The following SLC25A37 variants were observed in gnomAD, a reference collection of about 807,000 sequenced individuals.
SLC25A37 encodes the protein mitoferrin-1.
Under a neutral mutation model 31.0 loss-of-function variants are expected in SLC25A37, and 17 were observed. The observed-to-expected ratio is 0.55, with a 90% CI of 0.38 to 0.82. The LOEUF (loss-of-function observed/expected upper bound fraction) is 0.82. Among genes scored for constraint, SLC25A37 ranks in the 40% least tolerant of loss-of-function variants. The pLI, the probability that SLC25A37 is intolerant of heterozygous loss-of-function variation, is 0.00. For missense variants in SLC25A37, 404 were observed against 465.8 expected, an observed-to-expected ratio of 0.87 and a Z score of 1.22; for synonymous variants, 222 against 193.0, an observed-to-expected ratio of 1.15 and a Z score of -1.24.
chr8:23,544,018 G>A (rs905045425), intron 1 of SLC25A37, among the ~76,000 whole-genome samples: 7 of 151,778 alleles, frequency 4.6e-5, no homozygotes, highest in South Asian at 4.2e-4. Context: ...GTGCCACCAC[G>A]CCCGGCTAAT....
chr8:23,532,351 A>C (rs952064800), intron 1 of SLC25A37, among the ~76,000 whole-genome samples: 2 of 152,168 alleles, frequency 1.3e-5, no homozygotes, highest in Non-Finnish European at 2.9e-5. Context: ...AATGGTGGCA[A>C]TGACTTACTC....
chr8:23,567,847 T>A (rs1173684908), intron 2 of SLC25A37: 1 of 151,712 alleles, frequency 6.6e-6, no homozygotes. Context: ...TTTTTTTTTT[T>A]TTTTTTTTTA....
chr8:23,542,051 C>G (rs533327157), intron 1 of SLC25A37, among the ~76,000 whole-genome samples: 1 of 152,326 alleles, frequency 6.6e-6, no homozygotes, highest in African/African-American at 2.4e-5. Context: ...GTAGCTTCAT[C>G]CCCTGCCCTT....
chr8:23,550,519 G>A (rs73671467), intron 1 of SLC25A37, among the ~76,000 whole-genome samples: 14,656 of 152,300 alleles, frequency 0.096, 1,691 homozygotes, highest in African/African-American at 0.28. Context: ...CCTCCGCCAA[G>A]GGCGTGGGAA....
intron 1 of SLC25A37, among the ~76,000 whole-genome samples, chr8:23,565,805 G>A (rs1403647440): frequency 6.6e-6 from 1 of 152,198 alleles, no homozygotes; most frequent in African/African-American, 2.4e-5. Flanking sequence ...GAAGGTCTTA[G>A]GGCCTAGGGA....
intron 1 of SLC25A37, among the ~76,000 whole-genome samples, chr8:23,540,166 T>C (rs1261964838): frequency 6.6e-6 from 1 of 152,266 alleles, no homozygotes; most frequent in Admixed American, 6.5e-5. Flanking sequence ...CAGGTGTTGT[T>C]TCTCATTTCA....
At chr8:23,568,165 C>T (rs1802717769) in intron 2 of SLC25A37, 157 bp from the exon 3 acceptor site, 5 of 766,940 alleles carry the variant, frequency 6.5e-6, no homozygotes, top group Non-Finnish European at 1.2e-5. Flanking sequence ...TCCACCATCA[C>T]TTCAGGGTTT....
intron 2 of SLC25A37, chr8:23,566,887 C>A: frequency 1.1e-6 from 1 of 930,738 alleles, no homozygotes; most frequent in Non-Finnish European, 1.3e-6. Flanking sequence ...TTCCGGGGAT[C>A]TGGGAATTTT....
chr8:23,565,934 T>A (rs952756386), intron 1 of SLC25A37, among the ~76,000 whole-genome samples, 174 bp from the exon 2 acceptor site: 1 of 152,240 alleles, frequency 6.6e-6, no homozygotes, highest in African/African-American at 2.4e-5. Context: ...TTCATGTAGA[T>A]TTCATTATGT....
intron 3 of SLC25A37, among the ~76,000 whole-genome samples, chr8:23,570,177 C>T (rs1462216641): frequency 2.6e-5 from 4 of 152,110 alleles, no homozygotes; most frequent in African/African-American, 4.8e-5. Flanking sequence ...ATTTCTTTAT[C>T]GTGTGCCGCA....
chr8:23,562,656 C>A (rs1411460044), intron 1 of SLC25A37, among the ~76,000 whole-genome samples: 1 of 152,150 alleles, frequency 6.6e-6, no homozygotes, highest in Non-Finnish European at 1.5e-5. Context: ...GTCATGTAGC[C>A]CCTCGACAGG....
chr8:23,568,300 T>G (rs1300397822), intron 2 of SLC25A37, 22 bp from the exon 3 acceptor site: 1 of 1,613,764 alleles, frequency 6.2e-7, no homozygotes, highest in South Asian at 1.1e-5. Context: ...CAGAGGGTAA[T>G]TTTCTGGAGT....
At chr8:23,542,560 G>A (rs992116391) in intron 1 of SLC25A37, among the ~76,000 whole-genome samples, 1 of 151,768 alleles carries the variant, frequency 6.6e-6, no homozygotes, top group Non-Finnish European at 1.5e-5. Flanking sequence ...TGTATTTTTG[G>A]TAGAGACAGG....
At chr8:23,546,602 ATGTGTGTGTG>A (rs60598421) in intron 1 of SLC25A37, among the ~76,000 whole-genome samples, 6 of 58,002 alleles carry the variant, frequency 1.0e-4, no homozygotes, top group Non-Finnish European at 1.7e-4. Context: ...TATATAGTGT[ATGTGTGTGTG>A]TGTGTGTGTA....
chr8:23,533,205 G>A (rs1273856466), intron 1 of SLC25A37, among the ~76,000 whole-genome samples: 2 of 152,204 alleles, frequency 1.3e-5, no homozygotes, highest in Non-Finnish European at 2.9e-5. Flanking sequence ...CCTGAGGAGT[G>A]TGAGAACCTC....
At chr8:23,542,321 T>A (rs1157126832) in intron 1 of SLC25A37, among the ~76,000 whole-genome samples, 2 of 152,068 alleles carry the variant, frequency 1.3e-5, no homozygotes, top group African/African-American at 4.8e-5. Context: ...ACTCTGCTAC[T>A]GGTTTATGTA....
Position 23,571,924 on chromosome 8 carries a change from A to T in SLC25A37, c.*69A>T. On this transcript the variant is annotated 3_prime_UTR_variant, in exon 4 of 4. Coordinates refer to ENST00000519973, the MANE Select transcript of SLC25A37 (RefSeq NM_016612.4). ...GCATCCAGCCCCTTGCCCTCTCCTC[A>T]CACGTAGATCATTTTTTTTTTGCAG... The T allele has an allele frequency of 6.6e-7, 1 of 1,506,936 alleles. No homozygotes were observed. Among genetic ancestry groups the T allele is most frequent in the Admixed American group, 2.1e-5 (1 of 48,696 alleles). The allele number at this position is 1,506,936 out of a possible 1,614,324, so 93.3% of individuals were successfully genotyped here.
intron 1 of SLC25A37, among the ~76,000 whole-genome samples, chr8:23,535,373 G>A (rs1801745425): frequency 6.6e-6 from 1 of 152,136 alleles, no homozygotes; most frequent in Non-Finnish European, 1.5e-5. Context: ...TTGCTTCCAT[G>A]TCATAGGGAA....
intron 1 of SLC25A37, among the ~76,000 whole-genome samples, chr8:23,553,830 T>G (rs1293665213): frequency 6.6e-6 from 1 of 152,202 alleles, no homozygotes; most frequent in Non-Finnish European, 1.5e-5. Context: ...TGACTTTGCC[T>G]GTAAGTTACA....
Sources: gnomAD v4.1 joint callset for allele counts (sites outside exome capture counted in the v4.1 genomes callset) on GRCh38, gnomAD v4.1.1 for gene constraint, MANE v1.5 for transcripts, NCBI Gene and HGNC (gene_info 2026-07-23, HGNC 2026-07-21) for gene names.